RUNX1: variants seen among roughly 807,000 people sequenced by gnomAD.
The protein encoded by RUNX1 is runt-related transcription factor 1.
In RUNX1, 19 loss-of-function variants were observed where a neutral mutation model predicts 42.8. The ratio of observed to expected loss-of-function variants is 0.44; its 90% CI spans 0.31 to 0.65. The LOEUF is 0.65. RUNX1 is among the 30% of genes least tolerant of loss of function. The probability of loss-of-function intolerance (pLI) is 0.07; values close to 1 mark genes in which losing one functional copy is unlikely to be tolerated. For synonymous variants in RUNX1, 271 were observed against 289.4 expected, an observed-to-expected ratio of 0.94 and a Z score of 0.64; for missense variants, 528 against 672.0, an observed-to-expected ratio of 0.79 and a Z score of 2.37.
intron 2 of RUNX1, among the ~76,000 whole-genome samples, chr21:34,911,933 C>T (rs895228681): frequency 1.3e-5 from 2 of 152,002 alleles, no homozygotes; most frequent in Admixed American, 6.5e-5. Context: ...AAAGTAACCC[C>T]GCTCCCTACC....
At chr21:34,937,158 C>G (rs2058491987) in intron 2 of RUNX1, among the ~76,000 whole-genome samples, 1 of 152,062 alleles carries the variant, frequency 6.6e-6, no homozygotes, top group South Asian at 2.1e-4. Context: ...GAATCAAAGA[C>G]TAGGTTATCA....
At chr21:35,049,105 T>G in intron 1 of RUNX1, 63 bp downstream of exon 1, 2 of 556,530 alleles carry the variant, frequency 3.6e-6, no homozygotes. Flanking sequence ...ATATTCAAAT[T>G]GTTAAAGATT....
intron 2 of RUNX1, among the ~76,000 whole-genome samples, chr21:35,044,221 T>C (rs190662264): frequency 2.0e-5 from 3 of 152,276 alleles, no homozygotes; most frequent in Admixed American, 6.5e-5. Context: ...GCCCAGGCTG[T>C]ACTCTCGGCC....
At chr21:34,835,912 A>G (rs1282964819) in intron 6 of RUNX1, among the ~76,000 whole-genome samples, 1 of 152,128 alleles carries the variant, frequency 6.6e-6, no homozygotes, top group Non-Finnish European at 1.5e-5. Context: ...CCAGCTCCCA[A>G]TGGCTACAAT....
chr21:34,918,979 T>C (rs1364535550), intron 2 of RUNX1, among the ~76,000 whole-genome samples: 1 of 152,204 alleles, frequency 6.6e-6, no homozygotes, highest in African/African-American at 2.4e-5. Flanking sequence ...TTGAGATATA[T>C]CATAATGTTT....
chr21:35,029,869 A>G (rs1466488459), intron 2 of RUNX1, among the ~76,000 whole-genome samples: 2 of 152,132 alleles, frequency 1.3e-5, no homozygotes, highest in Non-Finnish European at 2.9e-5. Flanking sequence ...GGATTTGTCA[A>G]CCTTGTCACG....
At chr21:34,985,867 CTTTTT>C (rs33913281) in intron 2 of RUNX1, among the ~76,000 whole-genome samples, 2 of 75,462 alleles carry the variant, frequency 2.7e-5, no homozygotes, top group Non-Finnish European at 5.2e-5. Flanking sequence ...TCTGACCAGA[CTTTTT>C]TTTTTTTTTT....
At position 34,791,959 on chromosome 21, in the gene RUNX1, G is replaced by A; in HGVS notation, c.*176C>T. ...GCGGCGGCGTGGGCTTCTGGGCGCA[G>A]GAGGCTGCGCGGGCCTGACCTACAG... is the stretch of plus-strand genomic sequence containing the variant. On this transcript the variant is annotated 3_prime_UTR_variant, in exon 9 of 9. Coordinates refer to ENST00000675419, the MANE Select transcript of RUNX1 (RefSeq NM_001754.5). 2.5e-6 allele frequency: 1 copy of A among 408,108 alleles called. No individual in the cohort carries two copies. Among genetic ancestry groups the A allele is most frequent in the Non-Finnish European group, 4.5e-6 (1 of 223,098 alleles). The allele number at this position is 408,108 out of a possible 1,614,324, so 25.3% of individuals were successfully genotyped here.
chr21:35,042,796 C>A (rs2059368628), intron 2 of RUNX1, among the ~76,000 whole-genome samples: 1 of 152,240 alleles, frequency 6.6e-6, no homozygotes, highest in Admixed American at 6.5e-5. Flanking sequence ...CCACTGTGGT[C>A]AGCTTTTCTC....
intron 2 of RUNX1, among the ~76,000 whole-genome samples, chr21:35,022,863 C>A (rs1395919962): frequency 1.5e-5 from 2 of 135,282 alleles, no homozygotes; most frequent in East Asian, 4.1e-4. Flanking sequence ...CCAGTGCACT[C>A]CAGTCTGGGC....
intron 3 of RUNX1, chr21:34,889,629 C>T: frequency 9.2e-7 from 1 of 1,085,462 alleles, no homozygotes. Flanking sequence ...GGCCCCCGCT[C>T]CTCTCCCCGC....
intron 2 of RUNX1, among the ~76,000 whole-genome samples, chr21:34,981,412 C>G (rs1021932135): frequency 6.6e-6 from 1 of 152,182 alleles, no homozygotes; most frequent in African/African-American, 2.4e-5. Context: ...CAAGCTTCCC[C>G]TTAAACAAGA....
intron 8 of RUNX1, among the ~76,000 whole-genome samples, chr21:34,793,755 G>A (rs932724310): frequency 2.0e-5 from 3 of 151,492 alleles, no homozygotes; most frequent in Admixed American, 6.6e-5. Flanking sequence ...CAAGGCTGGA[G>A]TGCAGTGGTG....
intron 2 of RUNX1, among the ~76,000 whole-genome samples, chr21:35,022,411 C>T (rs531373155): frequency 3.3e-5 from 5 of 152,198 alleles, no homozygotes; most frequent in Admixed American, 1.3e-4. Context: ...ATCCCTAAAC[C>T]AGCAGGAGCT....
At chr21:34,974,389 C>T (rs937416608) in intron 2 of RUNX1, among the ~76,000 whole-genome samples, 3 of 148,778 alleles carry the variant, frequency 2.0e-5, no homozygotes, top group African/African-American at 5.1e-5. Context: ...ATTTGCAAAC[C>T]GAAACCGTGA....
intron 5 of RUNX1, among the ~76,000 whole-genome samples, chr21:34,861,176 T>C (rs973617811): frequency 2.6e-5 from 4 of 152,144 alleles, no homozygotes; most frequent in African/African-American, 9.7e-5. Context: ...ATTTGCCAGT[T>C]TTAGGACATC....
chr21:34,888,308 C>A, intron 3 of RUNX1: 1 of 1,067,626 alleles, frequency 9.4e-7, no homozygotes, highest in Non-Finnish European at 1.1e-6. Context: ...GATCGGGCGG[C>A]TCGGGTTACA....
Position 34,792,567 on chromosome 21 carries a change from G to A in RUNX1, c.1011C>T (p.Pro337=), listed in dbSNP as rs1037289303. The change falls in exon 9 of 9, where the codon CCC becomes CCT. Residue 337 remains proline, a synonymous_variant. Transcript: ENST00000675419. The surrounding 1 kb of genome is among the most constrained non-coding windows in gnomAD (Gnocchi z 6.9). ...GGGGGTCGGAGATGGAGGGCAGCGC[G>A]GGGAACTGGCGCGGGTCGCTGAACG... ...LTAFSDPRQF[P]ALPSISDPRM... is the part of the protein sequence containing the mutation. 1.9e-6 allele frequency: 3 copies of A among 1,606,270 alleles called. No individual in the cohort carries two copies. The highest frequency in any genetic ancestry group is 1.3e-5 in the African/African-American group (1 of 74,930).
At chr21:35,046,835 G>T (rs900330299) in intron 2 of RUNX1, among the ~76,000 whole-genome samples, 2 of 152,068 alleles carry the variant, frequency 1.3e-5, no homozygotes, top group African/African-American at 4.8e-5. Flanking sequence ...TGAAAGGAAG[G>T]AGTGGAAAAA....
Sources: gnomAD v4.1 joint callset for allele counts (sites outside exome capture counted in the v4.1 genomes callset) on GRCh38, gnomAD v4.1.1 for gene constraint, Gnocchi (gnomAD v3.1) non-coding constraint, MANE v1.5 for transcripts, NCBI Gene and HGNC (gene_info 2026-07-23, HGNC 2026-07-21) for gene names.